Variants in FBL observed in about 807,000 individuals in gnomAD.
FBL encodes the protein rRNA 2'-O-methyltransferase fibrillarin.
FBL carries 10 observed loss-of-function variants against 42.2 expected under a neutral mutation model. That is an observed-to-expected ratio of 0.24 (90% CI 0.15 to 0.40). The LOEUF is 0.40. Among genes scored for constraint, FBL ranks in the 10% least tolerant of loss-of-function variants. The probability of loss-of-function intolerance (pLI) is 1.00; values close to 1 mark genes in which losing one functional copy is unlikely to be tolerated. For synonymous variants in FBL, 165 were observed against 165.4 expected (o/e 1.00, Z 0.02); for missense variants, 351 against 439.2 (o/e 0.80, Z 1.79).
At chr19:39,837,597 T>A (rs886581281) in intron 6 of FBL, 114 bp downstream of exon 6, 2 of 947,636 alleles carry the variant, frequency 2.1e-6, no homozygotes, top group African/African-American at 3.4e-5. Flanking sequence ...TCCTGCAGAC[T>A]CAAGAGGTCT....
intron 1 of FBL, among the ~76,000 whole-genome samples, chr19:39,841,406 CATG>C (rs1969162502): frequency 6.6e-6 from 1 of 152,138 alleles, no homozygotes; most frequent in Non-Finnish European, 1.5e-5. Flanking sequence ...ATGTAAAACT[CATG>C]ATATTGGTGA....
intron 1 of FBL, among the ~76,000 whole-genome samples, chr19:39,845,434 G>A (rs1296556875): frequency 6.6e-6 from 1 of 152,192 alleles, no homozygotes; most frequent in Non-Finnish European, 1.5e-5. Flanking sequence ...GAGAGGTAAA[G>A]CCACTTGCCC....
At chr19:39,839,271 C>G (rs1969111049) in intron 4 of FBL, 66 bp from the exon 5 acceptor site, 1 of 1,379,542 alleles carries the variant, frequency 7.2e-7, no homozygotes, top group Non-Finnish European at 9.9e-7. Context: ...GCCTTTAACC[C>G]TAGGAGCCTT....
chr19:39,840,693 ACCTCGG>A lies in FBL; in HGVS notation c.99_104del (p.Arg36_Gly37del). ...CACGACCTCTAAAGCCTCCGCCTCG[ACCTCGG>A]CCCCCGCCAAAGCCCCCTCGGCCTC... On this transcript the variant is annotated inframe_deletion, in exon 2 of 9. Coordinates refer to ENST00000221801, the MANE Select transcript of FBL (RefSeq NM_001436.4). This position sits in a 1 kb window ranked among gnomAD's most constrained non-coding sequence, Gnocchi z 4.5. The A allele has an allele frequency of 6.3e-7, 1 of 1,590,872 alleles. No homozygotes were observed. Among genetic ancestry groups the A allele is most frequent in the Non-Finnish European group, 8.6e-7 (1 of 1,169,272 alleles).
intron 5 of FBL, 80 bp downstream of exon 5, chr19:39,838,955 G>A: frequency 7.7e-7 from 1 of 1,305,764 alleles, no homozygotes; most frequent in Non-Finnish European, 1.1e-6. Context: ...GCGCAGGCAA[G>A]CAGTCAAACC....
intron 1 of FBL, 44 bp downstream of exon 1, chr19:39,846,247 G>A: frequency 6.2e-7 from 1 of 1,611,472 alleles, no homozygotes; most frequent in Non-Finnish European, 8.5e-7. Context: ...CCGGATTCCC[G>A]CCCGGCCTCC....
In FBL at chr19:39,839,292, G is replaced by T. The variant is rs909065467; in HGVS notation, c.379-87C>A. 17 of 1,096,538 alleles carry T rather than the reference G, an allele frequency of 1.6e-5. No homozygotes were observed. In the African/African-American group the frequency reaches 2.0e-4, roughly 13 times the overall value. The allele number at this position is 1,096,538 out of a possible 1,614,324, so 67.9% of individuals were successfully genotyped here. On this transcript the variant is annotated intron_variant, in intron 4 of 8. Transcript: ENST00000221801. ...AACCCTAGGAGCCTTGAAAGGAACT[G>T]GGCTGTCCTATCACTGCACAAGAAC...
intron 6 of FBL, 120 bp from the exon 7 acceptor site, chr19:39,836,788 C>T (rs1969057474): frequency 3.0e-6 from 2 of 656,414 alleles, no homozygotes; most frequent in South Asian, 2.0e-5. Context: ...TCCAGTTTCA[C>T]TCCCCACCTC....
At position 39,839,215 on chromosome 19, in the gene FBL, A is replaced by G; in HGVS notation, c.379-10T>C. 6.2e-7 allele frequency: 1 copy of G among 1,604,432 alleles called. No homozygotes were observed. The highest frequency in any genetic ancestry group is 1.1e-5 in the South Asian group (1 of 89,624). ...TTTTGTCATCTCCTTCCTAGATGAG[A>G]GATGGGGACAGAAGTCAGTGCTAGG... is the stretch of plus-strand genomic sequence containing the variant. On this transcript the variant is annotated splice_polypyrimidine_tract_variant and intron_variant, in intron 4 of 8. Coordinates refer to ENST00000221801, the MANE Select transcript of FBL (RefSeq NM_001436.4).
chr19:39,843,624 A>G (rs894217788), intron 1 of FBL, among the ~76,000 whole-genome samples: 2 of 152,200 alleles, frequency 1.3e-5, no homozygotes, highest in African/African-American at 4.8e-5. Flanking sequence ...ACAAAAAATT[A>G]GCTGGGCGTG....
Position 39,840,154 on chromosome 19 carries a change from C to T in FBL, c.378+79G>A. ...TCCTCCAGCTGTCACGTGCAGGACA[C>T]ATGGTGAGGGCAGACACAGACTACT... On this transcript the variant is annotated intron_variant, in intron 4 of 8. Transcript: ENST00000221801. This position sits in a 1 kb window ranked among gnomAD's most constrained non-coding sequence, Gnocchi z 4.5. 1 of 955,328 alleles carries T rather than the reference C, an allele frequency of 1.0e-6. No homozygotes were observed. 59.2% of individuals were successfully genotyped at this position (955,328 alleles called of 1,614,324 possible).
intron 1 of FBL, among the ~76,000 whole-genome samples, chr19:39,841,307 T>A (rs1319580692): frequency 6.6e-6 from 1 of 152,118 alleles, no homozygotes; most frequent in East Asian, 1.9e-4. Flanking sequence ...CCTCCTGCCT[T>A]GGCCTCCTGA....
At chr19:39,839,820 A>G (rs1969122182) in intron 4 of FBL, among the ~76,000 whole-genome samples, 1 of 152,188 alleles carries the variant, frequency 6.6e-6, no homozygotes, top group Admixed American at 6.5e-5. Context: ...ATGACACAGG[A>G]TAACAGGACA....
At chr19:39,843,684 T>C (rs1969204535) in intron 1 of FBL, among the ~76,000 whole-genome samples, 1 of 152,124 alleles carries the variant, frequency 6.6e-6, no homozygotes. Flanking sequence ...GGCACAAGCA[T>C]CAATTGAACA....
chr19:39,837,704 C>G lies in FBL; in HGVS notation c.682+7G>C, dbSNP rs1969076972. 1.3e-6 allele frequency: 2 copies of G among 1,562,628 alleles called. No individual in the cohort carries two copies. The highest frequency in any genetic ancestry group is 2.3e-5 in the East Asian group (1 of 43,426). On this transcript the variant is annotated splice_region_variant and intron_variant, in intron 6 of 8. Transcript: ENST00000221801. ...TACCCCACCGGGGCCACCCCCAGAC[C>G]CCTCACCGATGAGCATGCGGTATTT...
intron 1 of FBL, among the ~76,000 whole-genome samples, chr19:39,845,566 T>C (rs1177750225): frequency 1.3e-5 from 2 of 152,162 alleles, no homozygotes; most frequent in African/African-American, 4.8e-5. Context: ...CAGCAGAATC[T>C]AGTGGAAAAT....
chr19:39,838,087 G>C (rs139528447), intron 5 of FBL: 4 of 444,718 alleles, frequency 9.0e-6, no homozygotes, highest in East Asian at 4.6e-5. Flanking sequence ...GAGAGCCCAG[G>C]TTCCCAACAG....
At chr19:39,834,943 A>G (rs1969004231) in intron 7 of FBL, 130 bp from the exon 8 acceptor site, 1 of 940,666 alleles carries the variant, frequency 1.1e-6, no homozygotes, top group African/African-American at 1.6e-5. Flanking sequence ...TGTGTCCCCC[A>G]AAGTTCATGT....
chr19:39,835,423 G>A (rs1033157047), intron 7 of FBL, among the ~76,000 whole-genome samples: 3 of 152,120 alleles, frequency 2.0e-5, no homozygotes, highest in Non-Finnish European at 2.9e-5. Context: ...GGAAGCTGAC[G>A]CAGGAGAATC....
Sources: allele counts gnomAD v4.1 joint callset (sites outside exome capture counted in the v4.1 genomes callset), GRCh38; gene constraint gnomAD v4.1.1; non-coding constraint Gnocchi (gnomAD v3.1); transcripts MANE v1.5; gene names NCBI Gene and HGNC (gene_info 2026-07-23, HGNC 2026-07-21).